Variants in CCSER1 observed in about 807,000 individuals in gnomAD.
CCSER1 encodes the protein serine-rich coiled-coil domain-containing protein 1.
CCSER1 carries 41 observed loss-of-function variants against 82.0 expected under a neutral mutation model. That is an observed-to-expected ratio of 0.50 (90% CI 0.39 to 0.65). The LOEUF (loss-of-function observed/expected upper bound fraction) is 0.65, where lower values mean the gene tolerates loss of function less well. CCSER1 is among the 30% of genes least tolerant of loss of function. The pLI, the probability that CCSER1 is intolerant of heterozygous loss-of-function variation, is 0.00. For synonymous variants in CCSER1, 414 were observed against 383.9 expected (o/e 1.08, Z -0.92); for missense variants, 1,119 against 1,064.2 (o/e 1.05, Z -0.72).
At chr4:91,556,517 T>G (rs1448144160) in intron 10 of CCSER1, among the ~76,000 whole-genome samples, 1 of 150,774 alleles carries the variant, frequency 6.6e-6, no homozygotes, top group Non-Finnish European at 1.5e-5. Flanking sequence ...GCATATGTAC[T>G]CTAAAACTTA....
chr4:91,257,966 G>A (rs563504896), intron 10 of CCSER1, among the ~76,000 whole-genome samples: 7 of 152,156 alleles, frequency 4.6e-5, no homozygotes, highest in South Asian at 2.1e-4. Flanking sequence ...GGCTGTTAAC[G>A]ATTAACGACT....
chr4:91,168,530 G>A (rs1327914224), intron 10 of CCSER1, among the ~76,000 whole-genome samples: 2 of 146,188 alleles, frequency 1.4e-5, no homozygotes, highest in South Asian at 2.2e-4. Context: ...CATCTGGGAG[G>A]TGAGGAGTGC....
intron 10 of CCSER1, among the ~76,000 whole-genome samples, chr4:91,403,510 A>C (rs76235650): frequency 0.013 from 1,944 of 152,302 alleles, 41 homozygotes; most frequent in African/African-American, 0.045. Context: ...TTGCCCACTC[A>C]GTATGATATT....
At chr4:90,641,016 C>T (rs530991503) in intron 6 of CCSER1, among the ~76,000 whole-genome samples, 2 of 152,086 alleles carry the variant, frequency 1.3e-5, no homozygotes, top group East Asian at 1.9e-4. Flanking sequence ...GGGCAGGGTG[C>T]CTAATCTCTC....
chr4:90,715,083 A>C (rs1239747614), intron 6 of CCSER1, among the ~76,000 whole-genome samples: 1 of 151,972 alleles, frequency 6.6e-6, no homozygotes, highest in Non-Finnish European at 1.5e-5. Context: ...CTTTATATGA[A>C]ACAAAGAACC....
At chr4:90,589,764 C>T (rs548525029) in intron 5 of CCSER1, among the ~76,000 whole-genome samples, 2 of 152,184 alleles carry the variant, frequency 1.3e-5, no homozygotes, top group African/African-American at 4.8e-5. Context: ...AAGGTGCAGT[C>T]TCTTTCAGAG....
chr4:90,886,944 A>G (rs1163061227), intron 8 of CCSER1, among the ~76,000 whole-genome samples: 5 of 152,212 alleles, frequency 3.3e-5, no homozygotes, highest in African/African-American at 9.6e-5. Context: ...AGTATTACAC[A>G]CATTGAAACT....
In CCSER1 at chr4:90,274,267, C is replaced by G. The variant is rs139718111; in HGVS notation, c.-41-33977C>G. Among the ~76,000 whole-genome samples, 42 of 152,176 alleles carry G rather than the reference C, an allele frequency of 2.8e-4. No homozygotes were observed. The East Asian group carries it at 7.9e-3, about 29-fold the overall frequency. The stretch of plus-strand genomic sequence containing the variant: ...AGAGGCATCTCTTTAGTGGTAGATT[C>G]ATGTCATCAGGTGTGGAAGTCATGG... On this transcript the variant is annotated intron_variant, in intron 1 of 10. Transcript: ENST00000509176.
At chr4:91,127,355 G>A (rs1021778456) in intron 10 of CCSER1, among the ~76,000 whole-genome samples, 1 of 152,066 alleles carries the variant, frequency 6.6e-6, no homozygotes, top group African/African-American at 2.4e-5. Context: ...ACAGGTTCCT[G>A]TAACCGTAGA....
rs1254632299 is a variant in CCSER1 at position 90,433,432 on chromosome 4, T to C, written c.1603+33303T>C. On this transcript the variant is annotated intron_variant, in intron 4 of 10. Coordinates refer to ENST00000509176, the MANE Select transcript of CCSER1 (RefSeq NM_001145065.2). Reference sequence around the variant, plus strand: ...TTTCTTAGACCTATAGTTCTTAAAGTATGGTCAAGGGACTCTTAAGAGTCC... The same window carrying C: ...TTTCTTAGACCTATAGTTCTTAAAGCATGGTCAAGGGACTCTTAAGAGTCC... Among the ~76,000 whole-genome samples the C allele has an allele frequency of 2.0e-5, 3 of 152,118 alleles. No individual in the cohort carries two copies. In the East Asian group the frequency reaches 5.8e-4, roughly 29 times the overall value.
At chr4:91,349,315 TA>T (rs1748303069) in intron 10 of CCSER1, among the ~76,000 whole-genome samples, 1 of 152,302 alleles carries the variant, frequency 6.6e-6, no homozygotes, top group African/African-American at 2.4e-5. Context: ...AATTTTTCCC[TA>T]ATTTCCTTGG....
intron 10 of CCSER1, among the ~76,000 whole-genome samples, chr4:91,198,717 A>T (rs11097305): frequency 0.67 from 102,037 of 151,916 alleles, 35,123 homozygotes; most frequent in East Asian, 0.93. Flanking sequence ...AGTTTTGAGG[A>T]CGTGGTGGAA....
intron 10 of CCSER1, among the ~76,000 whole-genome samples, chr4:91,405,550 A>C (rs548960292): frequency 6.6e-6 from 1 of 152,198 alleles, no homozygotes; most frequent in Admixed American, 6.5e-5. Flanking sequence ...AAATTTTTAC[A>C]ATCTACCTAC....
At chr4:91,252,702 G>A (rs1249169657) in intron 10 of CCSER1, among the ~76,000 whole-genome samples, 2 of 152,114 alleles carry the variant, frequency 1.3e-5, no homozygotes, top group Non-Finnish European at 2.9e-5. Context: ...CTGAAAAGAA[G>A]CAGGGTTTGT....
At chr4:90,509,696 T>C (rs1447789474) in intron 5 of CCSER1, among the ~76,000 whole-genome samples, 2 of 152,122 alleles carry the variant, frequency 1.3e-5, no homozygotes, top group African/African-American at 2.4e-5. Context: ...CCTGATTTTT[T>C]CCCCTCATTT....
At chr4:91,037,787 AATTT>A (rs1741580712) in intron 9 of CCSER1, among the ~76,000 whole-genome samples, 1 of 151,748 alleles carries the variant, frequency 6.6e-6, no homozygotes, top group Admixed American at 6.6e-5. Context: ...AAATAATTAT[AATTT>A]ATTTAATAAA....
At chr4:91,398,145 C>T (rs562808570) in intron 10 of CCSER1, among the ~76,000 whole-genome samples, 1 of 151,872 alleles carries the variant, frequency 6.6e-6, no homozygotes, top group East Asian at 1.9e-4. Context: ...AGATGTATGT[C>T]TATAAGTGCT....
intron 7 of CCSER1, among the ~76,000 whole-genome samples, chr4:90,750,819 A>G (rs774852727): frequency 6.6e-6 from 1 of 152,196 alleles, no homozygotes; most frequent in African/African-American, 2.4e-5. Flanking sequence ...AATTGCAGTT[A>G]GCATTATGAA....
At chr4:90,716,710 C>A (rs1741705405) in intron 6 of CCSER1, among the ~76,000 whole-genome samples, 1 of 152,026 alleles carries the variant, frequency 6.6e-6, no homozygotes, top group South Asian at 2.1e-4. Flanking sequence ...TACGCTAAAC[C>A]ATATTGCCTA....
Sources: gnomAD v4.1 joint callset for allele counts (sites outside exome capture counted in the v4.1 genomes callset) on GRCh38, gnomAD v4.1.1 for gene constraint, MANE v1.5 for transcripts, NCBI Gene and HGNC (gene_info 2026-07-23, HGNC 2026-07-21) for gene names.